Variants in CKAP5 observed in about 807,000 individuals in gnomAD.
CKAP5 encodes cytoskeleton associated protein 5, also known as cytoskeleton-associated protein 5.
A neutral mutation model predicts 232.8 loss-of-function variants in CKAP5; 27 were observed. The observed-to-expected ratio is 0.12, with a 90% CI of 0.09 to 0.16. The LOEUF (loss-of-function observed/expected upper bound fraction) is 0.16, where lower values mean the gene tolerates loss of function less well. Among genes scored for constraint, CKAP5 ranks in the 10% least tolerant of loss-of-function variants. The probability of loss-of-function intolerance (pLI) is 1.00; values close to 1 mark genes in which losing one functional copy is unlikely to be tolerated. For synonymous variants in CKAP5, 785 were observed against 841.1 expected (o/e 0.93, Z 1.16); for missense variants, 1,838 against 2,424.7 (o/e 0.76, Z 5.08).
At chr11:46,789,450 G>T (rs1384356333) in intron 15 of CKAP5, among the ~76,000 whole-genome samples, 2 of 152,180 alleles carry the variant, frequency 1.3e-5, no homozygotes, top group African/African-American at 2.4e-5. Context: ...TAAGTAGAGT[G>T]ACCTATTTGC....
rs2134619853 is a variant in CKAP5 at position 46,778,553 on chromosome 11, T to C, written c.2480A>G (p.His827Arg). The C allele has an allele frequency of 6.2e-7, 1 of 1,614,100 alleles. No individual in the cohort carries two copies. Among genetic ancestry groups the C allele is most frequent in the Non-Finnish European group, 8.5e-7 (1 of 1,179,956 alleles). ...PPAPTRGISK[H>R]STSGTDEGED... ...TCCTTCATCTGTACCACTTGTGCTA[T>C]GCTTGGAAATTCCTCTGGTTGGAGC... is the stretch of plus-strand genomic sequence containing the variant. The change falls in exon 21 of 44, where the codon CAT (histidine) becomes CGT (arginine). Residue 827 changes from histidine (H) to arginine (R), a missense_variant. By Grantham distance (29) the His-to-Arg change is conservative. Transcript: ENST00000529230.
chr11:46,824,305 C>A (rs767941430), intron 1 of CKAP5, among the ~76,000 whole-genome samples: 4 of 152,182 alleles, frequency 2.6e-5, no homozygotes, highest in African/African-American at 4.8e-5. Flanking sequence ...TTAAAGGAGT[C>A]AGGAGAATCT....
At chr11:46,817,598 T>C (rs1487358643) in intron 3 of CKAP5, among the ~76,000 whole-genome samples, 1 of 152,210 alleles carries the variant, frequency 6.6e-6, no homozygotes, top group Non-Finnish European at 1.5e-5. Context: ...GTCAAATTAA[T>C]GATGATCTTT....
chr11:46,800,235 A>G (rs542391717), intron 9 of CKAP5, among the ~76,000 whole-genome samples: 1 of 152,256 alleles, frequency 6.6e-6, no homozygotes, highest in East Asian at 1.9e-4. Flanking sequence ...ACAGACCCTT[A>G]TTTTTATTTC....
rs1317540335 is a variant in CKAP5 at position 46,762,965 on chromosome 11, C to T, written c.3891+11G>A. 1 of 1,609,442 alleles carries T rather than the reference C, an allele frequency of 6.2e-7. No individual in the cohort carries two copies. The highest frequency in any genetic ancestry group is 1.7e-5 in the Admixed American group (1 of 59,946). The stretch of plus-strand genomic sequence containing the variant: ...CTTAAGCAGTCTCCCAGAGAGAGAA[C>T]ACCACATTACCTTGACGACAAGATA... On this transcript the variant is annotated intron_variant, in intron 30 of 43. Transcript: ENST00000529230.
chr11:46,788,039 A>G (rs1268306235), intron 16 of CKAP5, among the ~76,000 whole-genome samples: 1 of 152,188 alleles, frequency 6.6e-6, no homozygotes, highest in East Asian at 1.9e-4. Context: ...TTTTCTCTCT[A>G]GCTTACTTTA....
At chr11:46,797,014 T>C (rs1592464290) in intron 11 of CKAP5, 74 bp from the exon 12 acceptor site, 2 of 1,521,314 alleles carry the variant, frequency 1.3e-6, no homozygotes, top group South Asian at 2.3e-5. Flanking sequence ...TTCAGACTGA[T>C]GGTTGCTAGA....
In CKAP5 at chr11:46,765,199, A is replaced by C. The variant is rs1478337134; in HGVS notation, c.3469T>G (p.Ser1157Ala). 1.9e-6 allele frequency: 3 copies of C among 1,612,916 alleles called. No individual in the cohort carries two copies. The highest frequency in any genetic ancestry group is 2.5e-6 in the Non-Finnish European group (3 of 1,179,496). The stretch of plus-strand genomic sequence containing the variant: ...GGAACAACAATAAAAATAGGCCCGG[A>C]TTTGTCTTCATCCTCCTTTAAGCTG... The part of the protein sequence containing the change: ...KTSLKEDEDK[S>A]GPIFIVVPNG... Residue 1157 changes from serine to alanine, a missense_variant, in exon 28 of 44, where the codon TCC becomes GCC. Physicochemically the swap from Ser to Ala is moderately conservative, Grantham distance 99 (BLOSUM62 1). Transcript: ENST00000529230.
chr11:46,744,621 C>T (rs370033075), intron 42 of CKAP5, 44 bp from the exon 43 acceptor site: 2 of 1,573,146 alleles, frequency 1.3e-6, no homozygotes, highest in Admixed American at 1.7e-5. Flanking sequence ...ATCCACATAT[C>T]CCCCTTCTAA....
intron 32 of CKAP5, among the ~76,000 whole-genome samples, 163 bp from the exon 33 acceptor site, chr11:46,760,947 A>G (rs1021683262): frequency 6.6e-6 from 1 of 152,184 alleles, no homozygotes; most frequent in African/African-American, 2.4e-5. Context: ...TAGGAAGAGG[A>G]GATATGAAAG....
At position 46,755,707 on chromosome 11, in the gene CKAP5, T is replaced by C. The variant is rs370114026; in HGVS notation, c.4690-640A>G. 2.6e-5 allele frequency among the ~76,000 whole-genome samples: 4 copies of C among 151,446 alleles called. No homozygotes were observed. The East Asian group carries it at 5.9e-4, about 22-fold the overall frequency. Reference sequence around the variant, plus strand: ...ACTTTGGGAGGCCAAGGTAGGTGAGTCACTTGAGGTCACGAGTAGGAGATC... The same window carrying C: ...ACTTTGGGAGGCCAAGGTAGGTGAGCCACTTGAGGTCACGAGTAGGAGATC... On this transcript the variant is annotated intron_variant, in intron 35 of 43. Coordinates refer to ENST00000529230, the MANE Select transcript of CKAP5 (RefSeq NM_001008938.4).
intron 35 of CKAP5, 135 bp from the exon 36 acceptor site, chr11:46,755,202 TTTAC>T: frequency 1.6e-6 from 1 of 632,942 alleles, no homozygotes; most frequent in South Asian, 3.1e-5. Context: ...AAAAAGCCCA[TTTAC>T]TTATTTATTT....
intron 16 of CKAP5, among the ~76,000 whole-genome samples, chr11:46,785,847 AGGTGGG>A (rs2065387207): frequency 6.6e-6 from 1 of 152,174 alleles, no homozygotes; most frequent in Admixed American, 6.5e-5. Flanking sequence ...TGGGAGGCTG[AGGTGGG>A]AGGATCACTT....
intron 1 of CKAP5, among the ~76,000 whole-genome samples, chr11:46,829,834 T>G (rs1443729595): frequency 1.8e-5 from 2 of 110,628 alleles, no homozygotes; most frequent in South Asian, 3.5e-4. Flanking sequence ...AATTCCTTTT[T>G]TGTATGTGTG....
intron 2 of CKAP5, 106 bp from the exon 3 acceptor site, chr11:46,818,609 C>T: frequency 1.2e-6 from 1 of 823,536 alleles, no homozygotes; most frequent in Non-Finnish European, 1.8e-6. Flanking sequence ...TATCCTATGT[C>T]AGGTAATGTA....
chr11:46,844,003 T>C (rs1312948129), intron 1 of CKAP5, among the ~76,000 whole-genome samples: 2 of 151,924 alleles, frequency 1.3e-5, no homozygotes, highest in African/African-American at 2.4e-5. Flanking sequence ...GGTGGATCAT[T>C]TGAGGTCAGG....
intron 2 of CKAP5, among the ~76,000 whole-genome samples, chr11:46,819,825 T>C (rs1939486711): frequency 2.0e-5 from 3 of 152,118 alleles, no homozygotes; most frequent in South Asian, 4.1e-4. Flanking sequence ...GAGTGAAGTA[T>C]AACATAAATT....
intron 42 of CKAP5, among the ~76,000 whole-genome samples, chr11:46,749,372 T>C (rs1406996653): frequency 6.7e-6 from 1 of 150,220 alleles, no homozygotes; most frequent in African/African-American, 2.5e-5. Context: ...GGAGAATCAC[T>C]TGAACCTGGG....
At chr11:46,829,837 TATGTGTGTGTGTG>T (rs1939738125) in intron 1 of CKAP5, among the ~76,000 whole-genome samples, 1 of 84,628 alleles carries the variant, frequency 1.2e-5, no homozygotes, top group Non-Finnish European at 2.8e-5. Flanking sequence ...TCCTTTTTTG[TATGTGTGTGTGTG>T]TGTGTGTGTG....
Sources: gnomAD v4.1 joint callset for allele counts (sites outside exome capture counted in the v4.1 genomes callset) on GRCh38, gnomAD v4.1.1 for gene constraint, MANE v1.5 for transcripts, NCBI Gene and HGNC (gene_info 2026-07-23, HGNC 2026-07-21) for gene names.